The following FAT3 variants were observed in gnomAD, a reference collection of about 807,000 sequenced individuals.
FAT3 encodes the protein protocadherin Fat 3.
In FAT3, 95 loss-of-function variants were observed where a neutral mutation model predicts 310.2. The observed-to-expected ratio is 0.31, with a 90% CI of 0.26 to 0.36. The LOEUF (loss-of-function observed/expected upper bound fraction) is 0.36, where lower values mean the gene tolerates loss of function less well. Among genes scored for constraint, FAT3 ranks in the 10% least tolerant of loss-of-function variants. The pLI, the probability that FAT3 is intolerant of heterozygous loss-of-function variation, is 1.00. For synonymous variants in FAT3, 2,314 were observed against 2,192.9 expected (o/e 1.06, Z -1.54); for missense variants, 5,408 against 5,715.6 (o/e 0.95, Z 1.74).
intron 1 of FAT3, among the ~76,000 whole-genome samples, chr11:92,322,771 G>C (rs971437440): frequency 6.6e-6 from 1 of 152,154 alleles, no homozygotes; most frequent in Non-Finnish European, 1.5e-5. Context: ...CAGCAACTCA[G>C]TTACATCTTC....
At chr11:92,359,114 C>T (rs553999844) in intron 2 of FAT3, among the ~76,000 whole-genome samples, 95 of 152,082 alleles carry the variant, frequency 6.2e-4, no homozygotes, top group African/African-American at 2.2e-3. Context: ...AGTGGGAGCC[C>T]GGGAATCTTC....
intron 1 of FAT3, among the ~76,000 whole-genome samples, chr11:92,343,865 C>T (rs1948339745): frequency 1.3e-5 from 2 of 152,146 alleles, no homozygotes; most frequent in Non-Finnish European, 2.9e-5. Flanking sequence ...TTATACCTCA[C>T]TTCCAAAGCT....
At chr11:92,792,634 C>A in intron 8 of FAT3, 133 bp from the exon 9 acceptor site, 1 of 760,566 alleles carries the variant, frequency 1.3e-6, no homozygotes. Flanking sequence ...TTACTGAGCA[C>A]CTACTAGAAG....
At chr11:92,371,375 T>C (rs560544227) in intron 2 of FAT3, among the ~76,000 whole-genome samples, 31 of 152,316 alleles carry the variant, frequency 2.0e-4, no homozygotes, top group South Asian at 1.5e-3. Context: ...GGCTTAATCT[T>C]GGGACTTCAG....
intron 4 of FAT3, among the ~76,000 whole-genome samples, chr11:92,723,599 C>T (rs1944922218): frequency 6.6e-6 from 1 of 152,180 alleles, no homozygotes; most frequent in African/African-American, 2.4e-5. Context: ...TCTGTTTTCA[C>T]ACTGTTAATA....
chr11:92,583,241 G>A (rs1938915879), intron 3 of FAT3, among the ~76,000 whole-genome samples: 1 of 151,984 alleles, frequency 6.6e-6, no homozygotes, highest in Non-Finnish European at 1.5e-5. Flanking sequence ...TTTGAATAGA[G>A]AAATTCATTT....
At chr11:92,865,866 C>A (rs1051688141) in intron 21 of FAT3, among the ~76,000 whole-genome samples, 2 of 152,202 alleles carry the variant, frequency 1.3e-5, no homozygotes, top group Middle Eastern at 3.2e-3. Context: ...GCCTCCCGGG[C>A]GCAGTGATGC....
chr11:92,837,094 CA>C (rs1428204837), intron 16 of FAT3, among the ~76,000 whole-genome samples: 1 of 151,968 alleles, frequency 6.6e-6, no homozygotes, highest in Non-Finnish European at 1.5e-5. Context: ...AAAAATAGTC[CA>C]AAAAATTTCT....
At chr11:92,688,178 G>A (rs1415819565) in intron 3 of FAT3, among the ~76,000 whole-genome samples, 1 of 152,014 alleles carries the variant, frequency 6.6e-6, no homozygotes, top group Non-Finnish European at 1.5e-5. Flanking sequence ...CAGCCTGGAT[G>A]ACAGAGCGAG....
At chr11:92,781,774 C>T (rs144064696) in intron 7 of FAT3, among the ~76,000 whole-genome samples, 165 of 152,160 alleles carry the variant, frequency 1.1e-3, no homozygotes, top group African/African-American at 3.1e-3. Context: ...AGATGAAATA[C>T]GCTATTACAA....
chr11:92,394,514 T>C (rs1267212050), intron 2 of FAT3, among the ~76,000 whole-genome samples: 1 of 152,150 alleles, frequency 6.6e-6, no homozygotes, highest in Non-Finnish European at 1.5e-5. Flanking sequence ...ACCATTCTTA[T>C]TATTTTGGGG....
chr11:92,483,626 C>T (rs571612830), intron 2 of FAT3, among the ~76,000 whole-genome samples: 51 of 151,972 alleles, frequency 3.4e-4, no homozygotes, highest in Non-Finnish European at 5.6e-4. Context: ...TTTTTTCCAT[C>T]CTTTCTTTTA....
chr11:92,822,707 T>G (rs1308661073), intron 13 of FAT3, among the ~76,000 whole-genome samples: 1 of 152,218 alleles, frequency 6.6e-6, no homozygotes, highest in Non-Finnish European at 1.5e-5. Flanking sequence ...TTTCTGCTAA[T>G]TTATCCATTA....
Position 92,836,665 on chromosome 11 carries a change from G to A in FAT3, c.10186G>A (p.Gly3396Arg), listed in dbSNP as rs1175443840. ...TGAATTTACTGTAGATCCTGTCTTG[G>A]GACTTGTGAAAGTTAAGAAGAAATT... ...DNEFTVDPVL[G>R]LVKVKKKLDR... Residue 3396 changes from glycine (G) to arginine (R), a missense_variant, in exon 16 of 28, where the codon GGA (glycine) becomes AGA (arginine). Around this residue, in one of 5 missense-constraint regions of FAT3, gnomAD observed 4,588 missense variants for 4,809.8 expected, o/e 0.95. Transcript: ENST00000525166. The A allele has an allele frequency of 6.2e-7, 1 of 1,613,300 alleles. No individual in the cohort carries two copies. Among genetic ancestry groups the A allele is most frequent in the Non-Finnish European group, 8.5e-7 (1 of 1,179,668 alleles).
intron 4 of FAT3, among the ~76,000 whole-genome samples, chr11:92,758,225 C>G (rs1459054475): frequency 2.0e-5 from 3 of 152,130 alleles, no homozygotes; most frequent in Admixed American, 6.5e-5. Flanking sequence ...CCTCAAATTG[C>G]TCACAGTCTA....
rs747960607 is a variant in FAT3, at chr11:92,798,952, T to A, written c.5939T>A (p.Leu1980His). The A allele has an allele frequency of 5.6e-6, 9 of 1,613,824 alleles. No homozygotes were observed. The highest frequency in any genetic ancestry group is 2.5e-6 in the Non-Finnish European group (3 of 1,179,874). Residue 1980 changes from leucine to histidine, a missense_variant, in exon 10 of 28, where the codon CTC becomes CAC. Coordinates refer to ENST00000525166, the MANE Select transcript of FAT3 (RefSeq NM_001367949.2). ...GTTAAAGAAGCCATGGACAGCGGCC[T>A]CCACTTTACACAAAGCTTCTATTCC... Reference protein sequence around the residue: ...IMVKEAMDSGLHFTQSFYSTS... With the variant: ...IMVKEAMDSGHHFTQSFYSTS...
At chr11:92,765,169 A>G (rs577862436) in intron 6 of FAT3, 80 bp downstream of exon 6, 1 of 1,248,568 alleles carries the variant, frequency 8.0e-7, no homozygotes, top group Admixed American at 2.9e-5. Context: ...AAAAAGAAAG[A>G]AAGCAAAAAA....
At chr11:92,367,845 G>GTT (rs1699381582) in intron 2 of FAT3, among the ~76,000 whole-genome samples, 2 of 152,210 alleles carry the variant, frequency 1.3e-5, no homozygotes, top group African/African-American at 4.8e-5. Context: ...ACTGAGGTGA[G>GTT]TTGATAATGC....
At chr11:92,765,147 AGG>A in intron 6 of FAT3, 58 bp downstream of exon 6, 2 of 1,116,508 alleles carry the variant, frequency 1.8e-6, no homozygotes, top group Non-Finnish European at 2.4e-6. Context: ...TGAAGCAACT[AGG>A]AAAAAAAAAA....
Sources: allele counts gnomAD v4.1 joint callset (sites outside exome capture counted in the v4.1 genomes callset), GRCh38; gene constraint gnomAD v4.1.1; regional missense constraint gnomAD v4.1.1; transcripts MANE v1.5; gene names NCBI Gene and HGNC (gene_info 2026-07-23, HGNC 2026-07-21).